PPFIBP1: variants seen among roughly 807,000 people sequenced by gnomAD.
The protein encoded by PPFIBP1 is liprin-beta-1.
PPFIBP1 carries 112 observed loss-of-function variants against 137.8 expected under a neutral mutation model. That is an observed-to-expected ratio of 0.81 (90% CI 0.70 to 0.95). The LOEUF (loss-of-function observed/expected upper bound fraction) is 0.95. Among genes scored for constraint, PPFIBP1 ranks in the 40% least tolerant of loss-of-function variants. The pLI, the probability that PPFIBP1 is intolerant of heterozygous loss-of-function variation, is 0.00. For synonymous variants in PPFIBP1, 378 were observed against 417.3 expected (o/e 0.91, Z 1.15); for missense variants, 1,083 against 1,196.6 (o/e 0.91, Z 1.40).
chr12:27,588,264 G>A (rs2052031673), intron 2 of PPFIBP1, among the ~76,000 whole-genome samples: 1 of 152,202 alleles, frequency 6.6e-6, no homozygotes, highest in African/African-American at 2.4e-5. Flanking sequence ...ATGCACCTGT[G>A]GGGTAATCTT....
intron 1 of PPFIBP1, among the ~76,000 whole-genome samples, chr12:27,577,022 A>C (rs1427807318): frequency 6.6e-6 from 1 of 152,192 alleles, no homozygotes; most frequent in South Asian, 2.1e-4. Flanking sequence ...ATTTGCTGGG[A>C]TTGGTGTGTA....
intron 1 of PPFIBP1, among the ~76,000 whole-genome samples, chr12:27,534,224 G>A (rs1944724712): frequency 6.6e-6 from 1 of 152,134 alleles, no homozygotes; most frequent in Admixed American, 6.5e-5. Context: ...GAGGGCAGTG[G>A]GTTAGCCTCG....
chr12:27,667,697 G>A (rs868288746), intron 13 of PPFIBP1, among the ~76,000 whole-genome samples: 11 of 152,352 alleles, frequency 7.2e-5, no homozygotes, highest in Middle Eastern at 3.4e-3. Context: ...TTCAGCATGA[G>A]CATCTCGTCT....
chr12:27,556,910 GA>G (rs762893870), intron 1 of PPFIBP1, among the ~76,000 whole-genome samples: 5 of 151,202 alleles, frequency 3.3e-5, no homozygotes, highest in Non-Finnish European at 5.9e-5. Context: ...GGGAAGGAGA[GA>G]GGGGGATTAA....
intron 1 of PPFIBP1, among the ~76,000 whole-genome samples, chr12:27,526,145 G>A (rs1943725301): frequency 6.6e-6 from 1 of 152,262 alleles, no homozygotes; most frequent in Non-Finnish European, 1.5e-5. Flanking sequence ...GTGAACTCAC[G>A]GTAGTGTTCC....
At chr12:27,529,936 T>G (rs1944228997) in intron 1 of PPFIBP1, among the ~76,000 whole-genome samples, 1 of 152,252 alleles carries the variant, frequency 6.6e-6, no homozygotes, top group African/African-American at 2.4e-5. Flanking sequence ...GTCCTTTTGC[T>G]GGCACTTTGT....
At chr12:27,589,328 TC>T (rs1175371826) in intron 2 of PPFIBP1, among the ~76,000 whole-genome samples, 1 of 152,196 alleles carries the variant, frequency 6.6e-6, no homozygotes. Context: ...TAGACTTGGA[TC>T]CGTGCATCCT....
intron 2 of PPFIBP1, among the ~76,000 whole-genome samples, chr12:27,632,283 T>C (rs2057321300): frequency 1.3e-5 from 2 of 152,138 alleles, no homozygotes; most frequent in African/African-American, 4.8e-5. Flanking sequence ...GTGGTGAGAT[T>C]TGGCTGCTTG....
intron 24 of PPFIBP1, among the ~76,000 whole-genome samples, chr12:27,684,077 G>A (rs2061050603): frequency 6.6e-6 from 1 of 151,366 alleles, no homozygotes. Flanking sequence ...GTGAGCCACC[G>A]AGCCTGGCCT....
intron 1 of PPFIBP1, among the ~76,000 whole-genome samples, chr12:27,528,969 A>C (rs975274228): frequency 2.0e-5 from 3 of 152,202 alleles, no homozygotes; most frequent in Non-Finnish European, 4.4e-5. Flanking sequence ...TGACTGGCCC[A>C]CACACACATC....
intron 1 of PPFIBP1, among the ~76,000 whole-genome samples, chr12:27,559,456 C>T (rs1433309669): frequency 6.6e-6 from 1 of 152,154 alleles, no homozygotes; most frequent in Non-Finnish European, 1.5e-5. Flanking sequence ...CGTGAGCCAC[C>T]GTGCCCGACC....
chr12:27,600,145 G>A (rs2053803137), intron 2 of PPFIBP1, among the ~76,000 whole-genome samples: 1 of 152,072 alleles, frequency 6.6e-6, no homozygotes, highest in African/African-American at 2.4e-5. Context: ...AAAATAAAGA[G>A]TTGAAAGAAG....
intron 1 of PPFIBP1, among the ~76,000 whole-genome samples, chr12:27,550,989 A>ATTT (rs1392939186): frequency 2.2e-5 from 2 of 89,864 alleles, no homozygotes; most frequent in East Asian, 3.0e-4. Context: ...ATATATATAT[A>ATTT]TATTTTTTTT....
chr12:27,684,161 C>T (rs142397431), intron 24 of PPFIBP1, among the ~76,000 whole-genome samples: 4 of 151,342 alleles, frequency 2.6e-5, no homozygotes, highest in South Asian at 2.1e-4. Flanking sequence ...CAGGCTGGAG[C>T]GCAGTGGCAC....
intron 25 of PPFIBP1, among the ~76,000 whole-genome samples, chr12:27,687,900 T>C (rs552176896): frequency 1.3e-5 from 2 of 152,136 alleles, no homozygotes; most frequent in East Asian, 1.9e-4. Flanking sequence ...CTGGGCAACA[T>C]AGGAAGACCC....
chr12:27,678,877 A>AAAAAAAAAAAC (rs2060704099), intron 19 of PPFIBP1, among the ~76,000 whole-genome samples: 1 of 113,312 alleles, frequency 8.8e-6, no homozygotes, highest in African/African-American at 3.1e-5. Flanking sequence ...AAAAAAAAAA[A>AAAAAAAAAAAC]AAAACATTTA....
rs1296091573 is a variant in PPFIBP1 at position 27,587,419 on chromosome 12, G to A, written c.-36+9180G>A. Among the ~76,000 whole-genome samples, 10 of 151,912 alleles carry A rather than the reference G, an allele frequency of 6.6e-5. 1 individual carries two copies. The highest frequency in any genetic ancestry group is 1.2e-4 in the African/African-American group (5 of 41,382). ...GGCGGATCACGGAGGTCAGGAGATC[G>A]AGACCATCCTGGCTAACATGGTGAA... On this transcript the variant is annotated intron_variant, in intron 2 of 29. Coordinates refer to ENST00000228425, the MANE Select transcript of PPFIBP1 (RefSeq NM_003622.4).
intron 19 of PPFIBP1, among the ~76,000 whole-genome samples, chr12:27,678,856 CAAAAAAAA>C (rs60834907): frequency 0.035 from 3,464 of 98,910 alleles, 175 homozygotes; most frequent in African/African-American, 0.12. Context: ...GACTCTGTCT[CAAAAAAAA>C]AAAAAAAAAA....
intron 24 of PPFIBP1, among the ~76,000 whole-genome samples, chr12:27,684,817 A>C (rs2061100260): frequency 6.6e-6 from 1 of 152,108 alleles, no homozygotes; most frequent in African/African-American, 2.4e-5. Flanking sequence ...AGATTTACAG[A>C]GGAGTTGCCA....
Sources: gnomAD v4.1 joint callset for allele counts (sites outside exome capture counted in the v4.1 genomes callset) on GRCh38, gnomAD v4.1.1 for gene constraint, MANE v1.5 for transcripts, NCBI Gene and HGNC (gene_info 2026-07-23, HGNC 2026-07-21) for gene names.